Variants in OCIAD1 observed in about 807,000 individuals in gnomAD.
The protein encoded by OCIAD1 is OCIA domain-containing protein 1.
OCIAD1 carries 29 observed loss-of-function variants against 38.9 expected under a neutral mutation model. The observed-to-expected ratio is 0.74, with a 90% confidence interval of 0.55 to 1.02. The LOEUF is 1.02. Among genes scored for constraint, OCIAD1 ranks in the 50% least tolerant of loss-of-function variants. OCIAD1 has a pLI of 0.00. For synonymous variants in OCIAD1, 110 were observed against 92.0 expected, an observed-to-expected ratio of 1.20 and a Z score of -1.12; for missense variants, 288 against 289.6, an observed-to-expected ratio of 0.99 and a Z score of 0.04.
In OCIAD1 at chr4:48,833,268, T is replaced by C. The variant is rs1432775627; in HGVS notation, c.59-133T>C. On this transcript the variant is annotated intron_variant, in intron 2 of 8. Transcript: ENST00000264312. ...ACACTGTCTCAAAAAACAAAAAAAG[T>C]GCATAAGCCAGTTGTTTTATTATTT... The C allele has an allele frequency of 8.2e-6, 5 of 610,194 alleles. No individual in the cohort carries two copies. In the East Asian group the frequency reaches 1.4e-4, roughly 17 times the overall value. 37.8% of individuals were successfully genotyped at this position (610,194 alleles called of 1,614,324 possible).
At chr4:48,837,605 T>A (rs1279080154) in intron 3 of OCIAD1, among the ~76,000 whole-genome samples, 3 of 151,698 alleles carry the variant, frequency 2.0e-5, no homozygotes, top group Non-Finnish European at 2.9e-5. Flanking sequence ...TGGGAAGAAT[T>A]TCTTAGAGAA....
At chr4:48,833,131 ATCCCAGCTACTCGGAAGGCTGAG>A (rs1777667436) in intron 2 of OCIAD1, among the ~76,000 whole-genome samples, 2 of 152,066 alleles carry the variant, frequency 1.3e-5, no homozygotes, top group African/African-American at 4.8e-5. Context: ...GGTGCCTGTA[ATCCCAGCTACTCGGAAGGCTGAG>A]GCAGGAGAAT....
At chr4:48,829,251 C>T (rs573866137), upstream of OCIAD1, among the ~76,000 whole-genome samples, 14 of 151,686 alleles carry the variant, frequency 9.2e-5, no homozygotes, top group East Asian at 2.7e-3. Flanking sequence ...TAGAGCAAGG[C>T]CCTGTCCTAA....
chr4:48,846,586 A>G (rs1490692232), intron 4 of OCIAD1, among the ~76,000 whole-genome samples: 1 of 152,064 alleles, frequency 6.6e-6, no homozygotes, highest in Non-Finnish European at 1.5e-5. Flanking sequence ...GTCTCTACTA[A>G]AAATACAAAA....
At chr4:48,840,915 G>C (rs962043418) in intron 3 of OCIAD1, among the ~76,000 whole-genome samples, 1 of 152,112 alleles carries the variant, frequency 6.6e-6, no homozygotes, top group Admixed American at 6.5e-5. Flanking sequence ...CACTTGGGAG[G>C]CTGAAGCAGG....
chr4:48,821,203 C>T (rs1160563529), intron 1 of OCIAD1, among the ~76,000 whole-genome samples: 6 of 152,152 alleles, frequency 3.9e-5, no homozygotes, highest in East Asian at 1.9e-4. Context: ...TTATCCACCA[C>T]GATCAAGTCG....
chr4:48,855,436 A>G (rs1779941667), intron 7 of OCIAD1, among the ~76,000 whole-genome samples: 1 of 152,258 alleles, frequency 6.6e-6, no homozygotes, highest in South Asian at 2.1e-4. Flanking sequence ...TTGAACCATC[A>G]TATAATACTA....
At chr4:48,815,177 G>A (rs1777132940) in intron 1 of OCIAD1, among the ~76,000 whole-genome samples, 1 of 152,148 alleles carries the variant, frequency 6.6e-6, no homozygotes, top group Non-Finnish European at 1.5e-5. Context: ...CCCGGATGTG[G>A]TGGTGTGCAC....
At chr4:48,825,802 T>C (rs759153852) in intron 1 of OCIAD1, among the ~76,000 whole-genome samples, 3 of 144,404 alleles carry the variant, frequency 2.1e-5, no homozygotes, top group Non-Finnish European at 3.1e-5. Context: ...TTTCTCTCTC[T>C]TCTTTCTTTC....
At position 48,813,055 on chromosome 4, in the gene OCIAD1, C is replaced by T. The variant is rs369638516; in HGVS notation, c.-103+7725C>T. On this transcript the variant is annotated intron_variant, in intron 1 of 6. Coordinates refer to the OCIAD1 transcript ENST00000504654. Reference sequence around the variant, plus strand: ...GTGTCATAGAGGAAAACATACTATACGGGTACAGGTGCAGAAGAATTCCAC... The same window carrying T: ...GTGTCATAGAGGAAAACATACTATATGGGTACAGGTGCAGAAGAATTCCAC... Among the ~76,000 whole-genome samples the T allele has an allele frequency of 7.9e-5, 12 of 152,234 alleles. No homozygotes were observed. The East Asian group carries it at 1.7e-3, about 22-fold the overall frequency.
intron 1 of OCIAD1, among the ~76,000 whole-genome samples, chr4:48,806,730 C>T (rs1162936907): frequency 6.7e-6 from 1 of 150,246 alleles, no homozygotes; most frequent in Non-Finnish European, 1.5e-5. Flanking sequence ...CTCAGCCTCC[C>T]GAGTACCTGG....
chr4:48,810,143 A>C (rs1777070286), intron 1 of OCIAD1, among the ~76,000 whole-genome samples: 2 of 152,114 alleles, frequency 1.3e-5, no homozygotes, highest in South Asian at 4.1e-4. Context: ...CTGCCAAAAA[A>C]ATCTAGATTT....
intron 1 of OCIAD1, among the ~76,000 whole-genome samples, chr4:48,814,324 C>CT (rs199781870): frequency 0.012 from 1,614 of 129,796 alleles, 20 homozygotes; most frequent in African/African-American, 0.033. Flanking sequence ...TTCAGAAAGC[C>CT]TTTTTTTTTT....
At chr4:48,857,139 C>G in intron 7 of OCIAD1, 74 bp from the exon 8 acceptor site, 1 of 832,538 alleles carries the variant, frequency 1.2e-6, no homozygotes, top group Non-Finnish European at 1.7e-6. Flanking sequence ...TTGTAAGGAG[C>G]ATTTGTAAAA....
chr4:48,807,449 A>C (rs1777040856), intron 1 of OCIAD1, among the ~76,000 whole-genome samples: 1 of 152,134 alleles, frequency 6.6e-6, no homozygotes, highest in Non-Finnish European at 1.5e-5. Flanking sequence ...CAACTTCCTC[A>C]TCTATAGAGT....
intron 5 of OCIAD1, 44 bp downstream of exon 5, chr4:48,848,490 TAAATA>T (rs1560432749): frequency 1.1e-6 from 1 of 921,880 alleles, no homozygotes; most frequent in Non-Finnish European, 1.7e-6. Context: ...TTTTAAAACT[TAAATA>T]AAATTATTTT....
At position 48,841,658 on chromosome 4, in the gene OCIAD1, A is replaced by G. The variant is rs572986142; in HGVS notation, c.140-978A>G. 2.6e-5 allele frequency among the ~76,000 whole-genome samples: 4 copies of G among 152,302 alleles called. No individual in the cohort carries two copies. The South Asian group carries it at 8.3e-4, about 32-fold the overall frequency. On this transcript the variant is annotated intron_variant, in intron 3 of 8. Transcript: ENST00000264312. Reference sequence around the variant, plus strand: ...CACAGTGAGCCAATTACGCATATCAATGGGGGGAACTGTTTACCAGTCAAG... The same window carrying G: ...CACAGTGAGCCAATTACGCATATCAGTGGGGGGAACTGTTTACCAGTCAAG...
At chr4:48,852,850 A>G (rs1779614195) in intron 7 of OCIAD1, among the ~76,000 whole-genome samples, 1 of 151,710 alleles carries the variant, frequency 6.6e-6, no homozygotes, top group South Asian at 2.1e-4. Context: ...TGAAATTCAA[A>G]AAGGTTTAAG....
rs749988114 is a variant in OCIAD1 at position 48,810,468 on chromosome 4, CAAA to C, written c.-103+5159_-103+5161del. 1.2e-4 allele frequency among the ~76,000 whole-genome samples: 5 copies of C among 42,332 alleles called. No homozygotes were observed. In the East Asian group the frequency reaches 2.1e-3, roughly 18 times the overall value. The allele number at this position is 42,332 out of a possible 152,430, so 27.8% of individuals were successfully genotyped here. A position where few individuals can be genotyped will look rare whatever the true frequency, so the allele number is the denominator to read the frequency against. On this transcript the variant is annotated intron_variant, in intron 1 of 6. Coordinates refer to the OCIAD1 transcript ENST00000504654. ...TGGGTGACAGAGTGAGACTCCATCTCAAAAAAAAAAAAAAAAAAAAAAAGAGAT... is the reference window on the plus strand; with the variant it reads ...TGGGTGACAGAGTGAGACTCCATCTCAAAAAAAAAAAAAAAAAAAAGAGAT...
Sources: gnomAD v4.1 joint callset for allele counts (sites outside exome capture counted in the v4.1 genomes callset) on GRCh38, gnomAD v4.1.1 for gene constraint, MANE v1.5 for transcripts, NCBI Gene and HGNC (gene_info 2026-07-23, HGNC 2026-07-21) for gene names.